LOC128092253: variants seen among roughly 807,000 people sequenced by gnomAD.
the LOC128092253 span, among the ~76,000 whole-genome samples, chr6:133,974,988 T>C: frequency 6.6e-6 from 1 of 152,172 alleles, no homozygotes; most frequent in Non-Finnish European, 1.5e-5. Context: ...TAAATGTTTA[T>C]ACAAGAAAAG....
At chr6:133,962,580 T>C in the LOC128092253 span, among the ~76,000 whole-genome samples, 1 of 152,196 alleles carries the variant, frequency 6.6e-6, no homozygotes, top group African/African-American at 2.4e-5. Flanking sequence ...TTTGTTTGTA[T>C]GTGTCGATTT....
the LOC128092253 span, among the ~76,000 whole-genome samples, chr6:133,959,071 ACT>A: frequency 2.6e-5 from 4 of 151,892 alleles, no homozygotes; most frequent in Admixed American, 2.6e-4. Context: ...ACAGAGTCTC[ACT>A]CTGTCACCCA....
At chr6:133,975,711 A>T in the LOC128092253 span, among the ~76,000 whole-genome samples, 15 of 152,200 alleles carry the variant, frequency 9.9e-5, no homozygotes, top group Non-Finnish European at 2.1e-4. Context: ...GGAATATAAC[A>T]CTGTGTATAA....
the LOC128092253 span, among the ~76,000 whole-genome samples, chr6:133,971,000 A>G: frequency 2.0e-5 from 3 of 152,182 alleles, no homozygotes; most frequent in African/African-American, 7.2e-5. Flanking sequence ...ACTGTTCACC[A>G]TGGTCACCCT....
At chr6:133,969,505 T>C in the LOC128092253 span, among the ~76,000 whole-genome samples, 1 of 152,208 alleles carries the variant, frequency 6.6e-6, no homozygotes, top group Non-Finnish European at 1.5e-5. Flanking sequence ...TAACTGAATG[T>C]AATGATGCTT....
the LOC128092253 span, chr6:133,968,743 T>G: frequency 6.6e-6 from 1 of 152,284 alleles, no homozygotes; most frequent in African/African-American, 2.4e-5. Context: ...CAATCTCTGC[T>G]CACTGCAGCC....
At chr6:133,972,180 C>G in the LOC128092253 span, among the ~76,000 whole-genome samples, 1 of 152,054 alleles carries the variant, frequency 6.6e-6, no homozygotes, top group Non-Finnish European at 1.5e-5. Flanking sequence ...AAGACATTCC[C>G]CCAAGTATTT....
At chr6:133,965,743 G>A in the LOC128092253 span, among the ~76,000 whole-genome samples, 32 of 152,008 alleles carry the variant, frequency 2.1e-4, no homozygotes, top group African/African-American at 7.7e-4. Flanking sequence ...TTGCTTTTGT[G>A]TTCCAAAGCT....
the LOC128092253 span, among the ~76,000 whole-genome samples, chr6:133,963,934 G>A: frequency 2.0e-5 from 3 of 151,774 alleles, no homozygotes; most frequent in South Asian, 2.1e-4. Flanking sequence ...GCAGCTACTC[G>A]GGAGGCTGAG....
the LOC128092253 span, among the ~76,000 whole-genome samples, chr6:133,976,900 GGAGGTTGCCGT>G: frequency 3.3e-5 from 5 of 151,606 alleles, no homozygotes; most frequent in African/African-American, 1.2e-4. Flanking sequence ...TCCAGGAGGC[GGAGGTTGCCGT>G]GAGCCAAGAT....
At chr6:133,972,325 A>G in the LOC128092253 span, among the ~76,000 whole-genome samples, 3 of 152,214 alleles carry the variant, frequency 2.0e-5, no homozygotes, top group African/African-American at 4.8e-5. Flanking sequence ...TTTCTCTCAA[A>G]TATCTTTTAT....
the LOC128092253 span, among the ~76,000 whole-genome samples, chr6:133,971,080 C>T: frequency 6.6e-6 from 1 of 152,094 alleles, no homozygotes; most frequent in Non-Finnish European, 1.5e-5. Flanking sequence ...GACCAACCTC[C>T]GTTCATTCTC....
At chr6:133,969,222 T>C in the LOC128092253 span, among the ~76,000 whole-genome samples, 42 of 150,886 alleles carry the variant, frequency 2.8e-4, no homozygotes, top group Non-Finnish European at 5.2e-4. Flanking sequence ...CCATTACAAA[T>C]AATGTCATTG....
At chr6:133,967,197 T>A in the LOC128092253 span, among the ~76,000 whole-genome samples, 2 of 152,164 alleles carry the variant, frequency 1.3e-5, no homozygotes, top group African/African-American at 4.8e-5. Flanking sequence ...TATCCCCTAG[T>A]ATGGGTCTTA....
At chr6:133,978,045 T>G in the LOC128092253 span, among the ~76,000 whole-genome samples, 1 of 152,198 alleles carries the variant, frequency 6.6e-6, no homozygotes, top group Admixed American at 6.5e-5. Context: ...CCAGGGAGGC[T>G]GACATCTATA....
At chr6:133,962,739 C>G in the LOC128092253 span, among the ~76,000 whole-genome samples, 3 of 152,230 alleles carry the variant, frequency 2.0e-5, no homozygotes, top group South Asian at 6.2e-4. Context: ...TGGTTTATAA[C>G]CTTTAGGGAT....
the LOC128092253 span, among the ~76,000 whole-genome samples, chr6:133,967,338 C>T: frequency 4.3e-4 from 66 of 152,092 alleles, no homozygotes; most frequent in Non-Finnish European, 5.9e-4. Context: ...TTAGATTAAG[C>T]GGGCAAAAGG....
the LOC128092253 span, among the ~76,000 whole-genome samples, chr6:133,967,348 G>T: frequency 1.6e-3 from 248 of 152,252 alleles, 1 homozygote; most frequent in Middle Eastern, 6.8e-3. Context: ...CGGGCAAAAG[G>T]TTAATATTCT....
At chr6:133,954,377 TAAG>T in the LOC128092253 span, among the ~76,000 whole-genome samples, 4,536 of 152,314 alleles carry the variant, frequency 0.03, 98 homozygotes, top group Non-Finnish European at 0.043. Context: ...AAAAGAGACA[TAAG>T]AAGGTTCAGC....
Sources: allele counts gnomAD v4.1 joint callset (sites outside exome capture counted in the v4.1 genomes callset), GRCh38; gene constraint gnomAD v4.1.1; transcripts MANE v1.5.